Variants in STPG2 observed in about 807,000 individuals in gnomAD.
STPG2 encodes the protein sperm tail PG-rich repeat containing 2, also known as sperm-tail PG-rich repeat-containing protein 2.
In STPG2, 56 loss-of-function variants were observed where a neutral mutation model predicts 54.2. The ratio of observed to expected loss-of-function variants is 1.03; its 90% CI spans 0.83 to 1.29. STPG2 has a LOEUF of 1.29. Among genes scored for constraint, STPG2 ranks in the 50% most tolerant of loss-of-function variants. The probability of loss-of-function intolerance (pLI) is 0.00; values close to 1 mark genes in which losing one functional copy is unlikely to be tolerated. For synonymous variants in STPG2, 200 were observed against 181.8 expected (o/e 1.10, Z -0.81); for missense variants, 596 against 544.9 (o/e 1.09, Z -0.93).
chr4:97,849,177 G>A (rs993275889), intron 8 of STPG2, among the ~76,000 whole-genome samples: 23 of 147,772 alleles, frequency 1.6e-4, no homozygotes, highest in Non-Finnish European at 3.4e-4. Flanking sequence ...TTATTTCCTT[G>A]AGCAGTGGTT....
intron 10 of STPG2, among the ~76,000 whole-genome samples, chr4:97,706,580 T>C (rs142875829): frequency 6.6e-6 from 1 of 152,290 alleles, no homozygotes; most frequent in East Asian, 1.9e-4. Context: ...TCTCTGTTAG[T>C]TTGTTAAAGC....
chr4:97,525,765 C>CA (rs1161911481), intron 4 of STPG2, among the ~76,000 whole-genome samples: 1 of 151,356 alleles, frequency 6.6e-6, no homozygotes, highest in African/African-American at 2.4e-5. Context: ...TAAGTATATT[C>CA]AAAAAAAGAA....
At chr4:97,921,352 A>C (rs1451285514) in intron 8 of STPG2, among the ~76,000 whole-genome samples, 3 of 152,156 alleles carry the variant, frequency 2.0e-5, no homozygotes, top group Non-Finnish European at 2.9e-5. Context: ...ACAAGTCAAA[A>C]TAATTGTCTT....
At chr4:97,689,480 C>G (rs1042868153) in intron 10 of STPG2, among the ~76,000 whole-genome samples, 1 of 151,968 alleles carries the variant, frequency 6.6e-6, no homozygotes, top group African/African-American at 2.4e-5. Context: ...GGTTGTGATA[C>G]TTGCGATTTT....
Position 97,972,397 on chromosome 4 carries a change from A to T in STPG2, c.816T>A (p.Ser272Arg). The T allele has an allele frequency of 6.2e-7, 1 of 1,604,526 alleles. No individual in the cohort carries two copies. The highest frequency in any genetic ancestry group is 8.5e-7 in the Non-Finnish European group (1 of 1,173,672). ...YNVLNNTIIASVRNICSKKQK... is the reference protein window; with the variant it reads ...YNVLNNTIIARVRNICSKKQK... ...GTTTCTTTGAGCAGATATTTCTAAC[A>T]CTGGCAATTATAGTATTGTTCAAGA... Residue 272 changes from serine to arginine, a missense_variant, in exon 7 of 11, where the codon AGT becomes AGA. Ser to Arg is a moderately radical substitution (Grantham distance 110). Transcript: ENST00000295268.
intron 9 of STPG2, among the ~76,000 whole-genome samples, chr4:97,834,205 G>T (rs1297508453): frequency 6.6e-6 from 1 of 152,122 alleles, no homozygotes; most frequent in Non-Finnish European, 1.5e-5. Context: ...AATGTCCTTT[G>T]CAGGGACATG....
chr4:97,971,170 C>A (rs892897954), intron 7 of STPG2, among the ~76,000 whole-genome samples: 1 of 151,994 alleles, frequency 6.6e-6, no homozygotes, highest in African/African-American at 2.4e-5. Context: ...CTGGAGAGGA[C>A]GTGGAGAAAT....
chr4:97,867,639 ATTTATT>A (rs1275123344), intron 8 of STPG2, among the ~76,000 whole-genome samples: 1 of 152,042 alleles, frequency 6.6e-6, no homozygotes, highest in Non-Finnish European at 1.5e-5. Flanking sequence ...CCAAACAGGA[ATTTATT>A]TTTATCACAC....
chr4:98,124,033 T>G (rs950114708), intron 3 of STPG2, among the ~76,000 whole-genome samples: 6 of 152,228 alleles, frequency 3.9e-5, no homozygotes, highest in African/African-American at 1.4e-4. Flanking sequence ...ATTAGCTTGG[T>G]AAATGTTCCT....
intron 4 of STPG2, among the ~76,000 whole-genome samples, chr4:97,488,602 G>GT (rs1182302465): frequency 1.3e-5 from 2 of 151,706 alleles, no homozygotes; most frequent in Non-Finnish European, 1.5e-5. Flanking sequence ...AGAGGAGTGG[G>GT]TAAGTAGGCA....
At chr4:97,461,319 A>G (rs1286202119) in intron 4 of STPG2, among the ~76,000 whole-genome samples, 1 of 152,102 alleles carries the variant, frequency 6.6e-6, no homozygotes, top group Non-Finnish European at 1.5e-5. Flanking sequence ...TAACACTGCT[A>G]TGGTCAGAAT....
At chr4:97,735,358 C>A (rs1170257169) in intron 9 of STPG2, among the ~76,000 whole-genome samples, 1 of 151,078 alleles carries the variant, frequency 6.6e-6, no homozygotes, top group Non-Finnish European at 1.5e-5. Flanking sequence ...TATGAGTATG[C>A]AAAGTCAAAT....
intron 10 of STPG2, among the ~76,000 whole-genome samples, chr4:97,683,976 A>C (rs980655792): frequency 6.6e-6 from 1 of 151,876 alleles, no homozygotes; most frequent in African/African-American, 2.4e-5. Context: ...TAAACAATTG[A>C]ATTTATAAAT....
chr4:97,517,843 C>A (rs1731106015), intron 4 of STPG2, among the ~76,000 whole-genome samples: 1 of 152,032 alleles, frequency 6.6e-6, no homozygotes, highest in East Asian at 1.9e-4. Context: ...GAATTAATTT[C>A]AATATGCTGC....
chr4:97,592,515 T>A (rs1733172117), intron 10 of STPG2, among the ~76,000 whole-genome samples: 1 of 152,108 alleles, frequency 6.6e-6, no homozygotes, highest in Non-Finnish European at 1.5e-5. Flanking sequence ...TAAACAAAGT[T>A]AAGAATTTAA....
chr4:97,690,140 T>A (rs1418075781), intron 10 of STPG2, among the ~76,000 whole-genome samples: 1 of 152,118 alleles, frequency 6.6e-6, no homozygotes, highest in Non-Finnish European at 1.5e-5. Flanking sequence ...GATACAAAAG[T>A]AGCACTTTAC....
chr4:98,010,148 G>T (rs866606489), intron 5 of STPG2, among the ~76,000 whole-genome samples: 6 of 151,034 alleles, frequency 4.0e-5, no homozygotes, highest in East Asian at 1.9e-4. Context: ...CTAACTTTTG[G>T]TTTTTTTCTT....
chr4:97,482,393 A>T (rs1163816761), intron 4 of STPG2, among the ~76,000 whole-genome samples: 1 of 151,708 alleles, frequency 6.6e-6, no homozygotes, highest in East Asian at 1.9e-4. Context: ...CATTGGACAC[A>T]CTTATAGAAA....
intron 10 of STPG2, among the ~76,000 whole-genome samples, chr4:97,684,763 A>C (rs1038733411): frequency 6.6e-6 from 1 of 152,004 alleles, no homozygotes; most frequent in African/African-American, 2.4e-5. Flanking sequence ...CATTAAAATT[A>C]AAAACTTCTG....
Sources: gnomAD v4.1 joint callset for allele counts (sites outside exome capture counted in the v4.1 genomes callset) on GRCh38, gnomAD v4.1.1 for gene constraint, MANE v1.5 for transcripts, NCBI Gene and HGNC (gene_info 2026-07-23, HGNC 2026-07-21) for gene names.